CTDSP2: variants seen among roughly 807,000 people sequenced by gnomAD.
CTDSP2 encodes the protein CTD small phosphatase 2, also known as carboxy-terminal domain RNA polymerase II polypeptide A small phosphatase 2.
In CTDSP2, 9 loss-of-function variants were observed where a neutral mutation model predicts 31.6. The observed-to-expected ratio is 0.28, with a 90% CI of 0.17 to 0.50. The LOEUF (loss-of-function observed/expected upper bound fraction) is 0.50. Among genes scored for constraint, CTDSP2 ranks in the 20% least tolerant of loss-of-function variants. The probability of loss-of-function intolerance (pLI) is 0.98; values close to 1 mark genes in which losing one functional copy is unlikely to be tolerated. For missense variants in CTDSP2, 267 were observed against 348.5 expected (o/e 0.77, Z 1.86); for synonymous variants, 134 against 134.5 (o/e 1.00, Z 0.03).
intron 5 of CTDSP2, among the ~76,000 whole-genome samples, chr12:57,826,027 C>T (rs1337617674): frequency 1.3e-5 from 2 of 152,154 alleles, no homozygotes; most frequent in Non-Finnish European, 2.9e-5. Flanking sequence ...TTTAACAGTG[C>T]TGGCCACGTG....
intron 1 of CTDSP2, among the ~76,000 whole-genome samples, chr12:57,836,571 G>C (rs1956248720): frequency 6.6e-6 from 1 of 152,182 alleles, no homozygotes; most frequent in East Asian, 1.9e-4. Flanking sequence ...GAGCCCAGGA[G>C]TTTGAGGCTG....
In CTDSP2 at chr12:57,823,361, ACACACTCTCT is replaced by A. The variant is rs1956160325; in HGVS notation, c.*231_*240del. On this transcript the variant is annotated 3_prime_UTR_variant, in exon 8 of 8. Transcript: ENST00000398073. ...TTCATGGCAAAACACACACACAAAC[ACACACTCTCT>A]CACAGTCAAACACACATCTCAACAA... is the stretch of plus-strand genomic sequence containing the variant. 5.5e-6 allele frequency: 3 copies of A among 549,620 alleles called. No individual in the cohort carries two copies. The highest frequency in any genetic ancestry group is 9.8e-6 in the Non-Finnish European group (3 of 304,972). 34.0% of individuals were successfully genotyped at this position (549,620 alleles called of 1,614,324 possible). A position where few individuals can be genotyped will look rare whatever the true frequency, so the allele number is the denominator to read the frequency against.
rs1465021697 is a variant in CTDSP2 at position 57,823,342 on chromosome 12, GCAAAA to G, written c.*255_*259del. The G allele has an allele frequency of 2.0e-6, 1 of 507,436 alleles. No homozygotes were observed. The highest frequency in any genetic ancestry group is 3.6e-6 in the Non-Finnish European group (1 of 278,302). 31.4% of individuals were successfully genotyped at this position (507,436 alleles called of 1,614,324 possible). A position where few individuals can be genotyped will look rare whatever the true frequency, so the allele number is the denominator to read the frequency against. ...CTATACACTGGGGCCACAGTTCATG[GCAAAA>G]CACACACACAAACACACACTCTCTC... On this transcript the variant is annotated 3_prime_UTR_variant, in exon 8 of 8. Transcript: ENST00000398073.
In CTDSP2 at chr12:57,823,887, G is replaced by A. The variant is rs746850735; in HGVS notation, c.690+17C>T. 2 of 1,613,102 alleles carry A rather than the reference G, an allele frequency of 1.2e-6. No homozygotes were observed. Among genetic ancestry groups the A allele is most frequent in the South Asian group, 1.1e-5 (1 of 91,044 alleles). On this transcript the variant is annotated intron_variant, in intron 7 of 7. Transcript: ENST00000398073. ...CTCTCCCAATCCCTACCGTGGAGAC[G>A]CATCAGGAGCACTCACTGCATTCTC...
rs772302721 is a variant in CTDSP2 at position 57,823,627 on chromosome 12, C to G, written c.791G>C (p.Ser264Thr). Residue 264 changes from serine to threonine, a missense_variant, in exon 8 of 8, where the codon AGC becomes ACC. Coordinates refer to ENST00000398073, the MANE Select transcript of CTDSP2 (RefSeq NM_005730.4). ...ELSGAEDVYT[S>T]LGQLRAP ...CTAAGGGGCCCGCAGCTGCCCAAGGCTGGTGTAGACGTCCTCTGCTCCGCT... is the reference window on the plus strand; with the variant it reads ...CTAAGGGGCCCGCAGCTGCCCAAGGGTGGTGTAGACGTCCTCTGCTCCGCT... 9.3e-6 allele frequency: 15 copies of G among 1,613,938 alleles called. No homozygotes were observed. In the Admixed American group the frequency reaches 2.5e-4, roughly 27 times the overall value.
rs1008086226 is a variant in CTDSP2 at position 57,822,108 on chromosome 12, G to A, written c.*1494C>T. On this transcript the variant is annotated 3_prime_UTR_variant, in exon 8 of 8. Coordinates refer to ENST00000398073, the MANE Select transcript of CTDSP2 (RefSeq NM_005730.4). The stretch of plus-strand genomic sequence containing the variant: ...ACAGGAGCGCCCTCCCACCCCAGGA[G>A]GAGGGAGGGAGGGAGGAGAGAACCC... 9.2e-5 allele frequency: 14 copies of A among 151,844 alleles called. No homozygotes were observed. The highest frequency in any genetic ancestry group is 3.1e-4 in the African/African-American group (13 of 41,308). 9.4% of individuals were successfully genotyped at this position (151,844 alleles called of 1,614,324 possible). A position where few individuals can be genotyped will look rare whatever the true frequency, so the allele number is the denominator to read the frequency against.
chr12:57,837,627 G>GT (rs1435618688), intron 1 of CTDSP2, among the ~76,000 whole-genome samples: 1 of 151,672 alleles, frequency 6.6e-6, no homozygotes, highest in African/African-American at 2.4e-5. Flanking sequence ...AGAGGTGGAG[G>GT]TTGCAGTGAG....
At chr12:57,828,343 C>T (rs1368204834) in intron 2 of CTDSP2, among the ~76,000 whole-genome samples, 3 of 151,020 alleles carry the variant, frequency 2.0e-5, no homozygotes, top group East Asian at 2.0e-4. Flanking sequence ...CGCTTGAACC[C>T]GGGAGGCGGA....
intron 1 of CTDSP2, chr12:57,842,297 T>A (rs1449403512): frequency 6.6e-6 from 1 of 152,202 alleles, no homozygotes; most frequent in East Asian, 1.9e-4. Context: ...AAATGTGACT[T>A]CTTTAGTATT....
Position 57,829,489 on chromosome 12 carries a change from C to T in CTDSP2, c.172G>A (p.Glu58Lys). The change falls in exon 2 of 8, where the codon GAG becomes AAG. Residue 58 changes from glutamate (E) to lysine (K), a missense_variant. Glu to Lys is a moderately conservative substitution (Grantham distance 56, BLOSUM62 1). Around this residue, in one of 2 missense-constraint regions of CTDSP2, gnomAD observed 111 missense variants for 107.1 expected, o/e 1.04. Transcript: ENST00000398073. Reference sequence around the variant, plus strand: ...GCTTCCTCCTTATACGCAGCGAGCTCAGTGGAGGAACTTGACTGGCCAACA... The same window carrying T: ...GCTTCCTCCTTATACGCAGCGAGCTTAGTGGAGGAACTTGACTGGCCAACA... ...QHVGQSSSST[E>K]LAAYKEEANT... 6.2e-7 allele frequency: 1 copy of T among 1,614,192 alleles called. No homozygotes were observed. Among genetic ancestry groups the T allele is most frequent in the East Asian group, 2.2e-5 (1 of 44,884 alleles).
Position 57,846,405 on chromosome 12 carries a change from G to A in CTDSP2, c.31C>T (p.Arg11Trp), listed in dbSNP as rs796887934. The A allele has an allele frequency of 6.2e-7, 1 of 1,608,500 alleles. No homozygotes were observed. The highest frequency in any genetic ancestry group is 8.5e-7 in the Non-Finnish European group (1 of 1,177,766). The change falls in exon 1 of 8, where the codon CGG becomes TGG. Residue 11 changes from arginine to tryptophan, a missense_variant. By Grantham distance (101) the Arg-to-Trp change is moderately radical. This residue lies in a region of CTDSP2 where 111 missense variants were observed against 107.1 expected (regional missense o/e 1.04). Coordinates refer to ENST00000398073, the MANE Select transcript of CTDSP2 (RefSeq NM_005730.4). ...GTGAGCACCAGGGCGTCTTCCCTCC[G>A]CGCCTGGGTGATGATGGAGCCGTGT... is the stretch of plus-strand genomic sequence containing the variant. The part of the protein sequence containing the change: MEHGSIITQA[R>W]REDALVLTKQ...
intron 1 of CTDSP2, 76 bp from the exon 2 acceptor site, chr12:57,829,672 G>A: frequency 1.5e-6 from 2 of 1,373,842 alleles, no homozygotes; most frequent in African/African-American, 1.4e-5. Context: ...CATGCCCATA[G>A]CTCTTCTAGT....
chr12:57,837,598 C>A (rs779351864), intron 1 of CTDSP2, among the ~76,000 whole-genome samples: 1 of 151,714 alleles, frequency 6.6e-6, no homozygotes, highest in Non-Finnish European at 1.5e-5. Context: ...GGCTGAGGCA[C>A]GAGAATCACT....
chr12:57,833,610 C>T (rs893664363), intron 1 of CTDSP2, among the ~76,000 whole-genome samples: 3 of 152,252 alleles, frequency 2.0e-5, no homozygotes, highest in African/African-American at 7.2e-5. Flanking sequence ...CCAGTGCATT[C>T]ATCAGCCTCC....
chr12:57,846,482 G>A lies in CTDSP2; in HGVS notation c.-47C>T, dbSNP rs1956317711. 4.0e-6 allele frequency: 6 copies of A among 1,518,570 alleles called. No homozygotes were observed. The highest frequency in any genetic ancestry group is 1.2e-5 in the South Asian group (1 of 81,552). The allele number at this position is 1,518,570 out of a possible 1,614,324, so 94.1% of individuals were successfully genotyped here. On this transcript the variant is annotated 5_prime_UTR_variant, in exon 1 of 8. Transcript: ENST00000398073. ...GCTGGCTGGGCGGGAGGACGGGCGG[G>A]CGCGCGGGCTGGGCTGGGCTGGGGG...
intron 1 of CTDSP2, chr12:57,837,230 A>G (rs977159931): frequency 6.6e-6 from 1 of 152,288 alleles, no homozygotes; most frequent in African/African-American, 2.4e-5. Context: ...TCGGCAGGGA[A>G]CAAAAGAGGG....
At chr12:57,833,099 C>T (rs960719526) in intron 1 of CTDSP2, among the ~76,000 whole-genome samples, 8 of 152,186 alleles carry the variant, frequency 5.3e-5, no homozygotes, top group Admixed American at 5.2e-4. Flanking sequence ...ACAGCCTGGG[C>T]TTTTCCTGAA....
In CTDSP2 at chr12:57,827,572, G is replaced by A; in HGVS notation, c.232C>T (p.Leu78Phe). 1.2e-6 allele frequency: 2 copies of A among 1,614,106 alleles called. No individual in the cohort carries two copies. The highest frequency in any genetic ancestry group is 1.1e-5 in the South Asian group (1 of 91,066). Residue 78 changes from leucine to phenylalanine, a missense_variant, in exon 3 of 8, where the codon CTC becomes TTC. Transcript: ENST00000398073. The part of the protein sequence containing the change: ...TIAKSDLLQC[L>F]QYQFYQIPGT... ...CGTACCTGGTAGAACTGGTACTGGA[G>A]ACACTGGAGCAGATCCGACTGAGGA...
intron 1 of CTDSP2, among the ~76,000 whole-genome samples, chr12:57,843,094 T>C (rs1335581922): frequency 2.0e-5 from 3 of 152,098 alleles, no homozygotes; most frequent in Non-Finnish European, 4.4e-5. Flanking sequence ...TCAGGATTCA[T>C]GGACAACAAA....
Sources: gnomAD v4.1 joint callset for allele counts (sites outside exome capture counted in the v4.1 genomes callset) on GRCh38, gnomAD v4.1.1 for gene constraint, gnomAD v4.1.1 regional missense constraint, MANE v1.5 for transcripts, NCBI Gene and HGNC (gene_info 2026-07-23, HGNC 2026-07-21) for gene names.